Variants in RAI1 observed in about 807,000 individuals in gnomAD.
RAI1 encodes the protein retinoic acid induced 1.
Under a neutral mutation model 123.8 loss-of-function variants are expected in RAI1, and 9 were observed. That is an observed-to-expected ratio of 0.07 (90% CI 0.04 to 0.13). The LOEUF is 0.13. Among genes scored for constraint, RAI1 ranks in the 10% least tolerant of loss-of-function variants. The probability of loss-of-function intolerance (pLI) is 1.00; values close to 1 mark genes in which losing one functional copy is unlikely to be tolerated. For missense variants in RAI1, 2,256 were observed against 2,545.8 expected, an observed-to-expected ratio of 0.89 and a Z score of 2.45; for synonymous variants, 1,231 against 1,127.3, an observed-to-expected ratio of 1.09 and a Z score of -1.84.
chr17:17,729,581 T>C (rs980733861), intron 2 of RAI1, among the ~76,000 whole-genome samples: 1 of 152,134 alleles, frequency 6.6e-6, no homozygotes, highest in African/African-American at 2.4e-5. Context: ...TTCCCCTTTG[T>C]ATAATGGGGA....
chr17:17,687,076 C>T (rs899782084), intron 1 of RAI1, among the ~76,000 whole-genome samples: 16 of 152,040 alleles, frequency 1.1e-4, no homozygotes, highest in African/African-American at 2.4e-4. Context: ...CTCTGCCTCC[C>T]GGGTTCAAGC....
Position 17,801,871 on chromosome 17 carries a change from G to T in RAI1, c.5566-1885G>T, listed in dbSNP as rs1229727784. Reference sequence around the variant, plus strand: ...GGTTACTCAGCCTCAGCTCTCATTGGTAACCCAGGTAAAATAACAGTAATC... The same window carrying T: ...GGTTACTCAGCCTCAGCTCTCATTGTTAACCCAGGTAAAATAACAGTAATC... On this transcript the variant is annotated intron_variant, in intron 3 of 5. Coordinates refer to ENST00000353383, the MANE Select transcript of RAI1 (RefSeq NM_030665.4). The surrounding 1 kb of genome is among the most constrained non-coding windows in gnomAD (Gnocchi z 4.1). 2.0e-5 allele frequency among the ~76,000 whole-genome samples: 3 copies of T among 152,234 alleles called. No homozygotes were observed. Among genetic ancestry groups the T allele is most frequent in the African/African-American group, 7.2e-5 (3 of 41,468 alleles).
chr17:17,788,013 A>G (rs192198426), intron 2 of RAI1, among the ~76,000 whole-genome samples: 97 of 152,282 alleles, frequency 6.4e-4, no homozygotes, highest in African/African-American at 2.1e-3. Flanking sequence ...CCCAACCTCA[A>G]CTGAGCCTGG....
chr17:17,743,351 G>A (rs1916705711), intron 2 of RAI1, among the ~76,000 whole-genome samples: 1 of 152,212 alleles, frequency 6.6e-6, no homozygotes, highest in Admixed American at 6.5e-5. Context: ...GGTAGCCTTT[G>A]TGATTTGGGA....
chr17:17,750,707 A>AG (rs1567871728), intron 2 of RAI1, among the ~76,000 whole-genome samples: 1 of 151,566 alleles, frequency 6.6e-6, no homozygotes, highest in African/African-American at 2.4e-5. Flanking sequence ...AAAAAAAAAA[A>AG]AAAAAAGAAA....
chr17:17,720,277 C>G (rs1437242270), intron 1 of RAI1, among the ~76,000 whole-genome samples: 1 of 152,222 alleles, frequency 6.6e-6, no homozygotes, highest in Non-Finnish European at 1.5e-5. Flanking sequence ...CATGTCCAGA[C>G]CTAGGTTCTC....
rs927754626 is a variant in RAI1 at position 17,707,367 on chromosome 17, G to T, written c.-148-16661G>T. ...AGGGGCTCAGGGATGGGGGAGATGC[G>T]TGCAGTTTTAAATTGGAGTGCCAGG... is the stretch of plus-strand genomic sequence containing the variant. On this transcript the variant is annotated intron_variant, in intron 1 of 5. Coordinates refer to ENST00000353383, the MANE Select transcript of RAI1 (RefSeq NM_030665.4). 3.9e-5 allele frequency among the ~76,000 whole-genome samples: 6 copies of T among 152,180 alleles called. No individual in the cohort carries two copies. The South Asian group carries it at 1.2e-3, about 31-fold the overall frequency.
chr17:17,799,433 G>A lies in RAI1; in HGVS notation c.5565+920G>A, dbSNP rs2032382531. Reference sequence around the variant, plus strand: ...ACCTCTGTGCCCTTCTGAGGGAGGGGTCAGTGGGGGCGGTGGGGTGCACCT... The same window carrying A: ...ACCTCTGTGCCCTTCTGAGGGAGGGATCAGTGGGGGCGGTGGGGTGCACCT... On this transcript the variant is annotated intron_variant, in intron 3 of 5. Transcript: ENST00000353383. This position sits in a 1 kb window ranked among gnomAD's most constrained non-coding sequence, Gnocchi z 4.5. Among the ~76,000 whole-genome samples the A allele has an allele frequency of 6.6e-6, 1 of 152,152 alleles. No homozygotes were observed. The highest frequency in any genetic ancestry group is 1.5e-5 in the Non-Finnish European group (1 of 68,026).
chr17:17,777,138 A>T (rs2031375112), intron 2 of RAI1: 1 of 152,190 alleles, frequency 6.6e-6, no homozygotes, highest in South Asian at 2.1e-4. Flanking sequence ...TGCAAAGGAC[A>T]TTGCAGTTGG....
chr17:17,739,718 T>C (rs73294187), intron 2 of RAI1, among the ~76,000 whole-genome samples: 2,544 of 152,284 alleles, frequency 0.017, 79 homozygotes, highest in African/African-American at 0.058. Context: ...TTTTGAGGTC[T>C]TATGCCACCA....
intron 2 of RAI1, among the ~76,000 whole-genome samples, chr17:17,730,780 C>T (rs949410287): frequency 6.6e-6 from 1 of 152,204 alleles, no homozygotes; most frequent in Non-Finnish European, 1.5e-5. Flanking sequence ...ACTGGGGGAC[C>T]GAGGCACAAG....
Position 17,794,205 on chromosome 17 carries a change from G to C in RAI1, c.1257G>C (p.Lys419Asn). The C allele has an allele frequency of 6.2e-7, 1 of 1,613,632 alleles. No homozygotes were observed. The highest frequency in any genetic ancestry group is 8.5e-7 in the Non-Finnish European group (1 of 1,180,044). Residue 419 changes from lysine to asparagine, a missense_variant, in exon 3 of 6, where the codon AAG (lysine) becomes AAC (asparagine). This residue lies in a region of RAI1 where 357 missense variants were observed against 480.2 expected (regional missense o/e 0.74). Transcript: ENST00000353383. ...TQAGNCKPLQ[K>N]DKLPENLLSD... ...CTGGCAACTGCAAGCCCCTTCAGAAGGACAAGCTCCCTGAGAACCTGCTGT... is the reference window on the plus strand; with the variant it reads ...CTGGCAACTGCAAGCCCCTTCAGAACGACAAGCTCCCTGAGAACCTGCTGT...
intron 2 of RAI1, among the ~76,000 whole-genome samples, chr17:17,728,882 C>G (rs1407059824): frequency 6.6e-6 from 1 of 152,218 alleles, no homozygotes; most frequent in Non-Finnish European, 1.5e-5. Flanking sequence ...AGATTCCCAC[C>G]ATGAGCCCCT....
At chr17:17,734,962 C>T (rs1310511463) in intron 2 of RAI1, among the ~76,000 whole-genome samples, 1 of 152,214 alleles carries the variant, frequency 6.6e-6, no homozygotes, top group Non-Finnish European at 1.5e-5. Flanking sequence ...GAAATCTCAA[C>T]AGGACATGGG....
chr17:17,681,822 G>GT, intron 1 of RAI1, 29 bp downstream of exon 1: 1 of 299,722 alleles, frequency 3.3e-6, no homozygotes. Context: ...GGCGCGGGGG[G>GT]CGCAGTGTAT....
At chr17:17,683,170 A>G (rs1357218624) in intron 1 of RAI1, among the ~76,000 whole-genome samples, 1 of 152,208 alleles carries the variant, frequency 6.6e-6, no homozygotes, top group African/African-American at 2.4e-5. Flanking sequence ...CGGGCTGTTA[A>G]GACCTCGCGC....
At chr17:17,683,314 G>A (rs1459185242) in intron 1 of RAI1, among the ~76,000 whole-genome samples, 1 of 152,098 alleles carries the variant, frequency 6.6e-6, no homozygotes, top group Non-Finnish European at 1.5e-5. Flanking sequence ...CCCCGAGCTG[G>A]GGGCTCTGCT....
chr17:17,785,668 C>G (rs1026811340), intron 2 of RAI1, among the ~76,000 whole-genome samples: 1 of 152,230 alleles, frequency 6.6e-6, no homozygotes, highest in Non-Finnish European at 1.5e-5. Context: ...CCCCTCCTCT[C>G]TGCACCTCCT....
At position 17,740,631 on chromosome 17, in the gene RAI1, G is replaced by T. The variant is rs1466977320; in HGVS notation, c.-17+16472G>T. ...CGTGGCCATCAGGTGGCCTGGCTGG[G>T]GTTTGAACCTGTCTTCTCAGAGCAA... On this transcript the variant is annotated intron_variant, in intron 2 of 5. Transcript: ENST00000353383. Among the ~76,000 whole-genome samples the T allele has an allele frequency of 3.9e-5, 6 of 152,294 alleles. No homozygotes were observed. The East Asian group carries it at 1.2e-3, about 29-fold the overall frequency.
Sources: gnomAD v4.1 joint callset for allele counts (sites outside exome capture counted in the v4.1 genomes callset) on GRCh38, gnomAD v4.1.1 for gene constraint, gnomAD v4.1.1 regional missense constraint, Gnocchi (gnomAD v3.1) non-coding constraint, MANE v1.5 for transcripts, NCBI Gene and HGNC (gene_info 2026-07-23, HGNC 2026-07-21) for gene names.